TAF2: variants seen among roughly 807,000 people sequenced by gnomAD.
TAF2 encodes the protein transcription initiation factor TFIID subunit 2.
In TAF2, 61 loss-of-function variants were observed where a neutral mutation model predicts 138.5. The observed-to-expected ratio is 0.44, with a 90% CI of 0.36 to 0.54. TAF2 has a LOEUF of 0.54. Ranked by LOEUF, TAF2 falls within the 20% of genes least tolerant of loss-of-function variation. The pLI is 0.00. For synonymous variants in TAF2, 475 were observed against 469.9 expected (o/e 1.01, Z -0.14); for missense variants, 1,090 against 1,427.9 (o/e 0.76, Z 3.81).
chr8:119,738,100 GTA>G (rs1174127286), intron 25 of TAF2, among the ~76,000 whole-genome samples: 1 of 150,718 alleles, frequency 6.6e-6, no homozygotes, highest in Non-Finnish European at 1.5e-5. Context: ...ATATACAGTT[GTA>G]TATATATAGT....
chr8:119,789,980 A>G (rs1470344576), intron 11 of TAF2, among the ~76,000 whole-genome samples: 1 of 152,134 alleles, frequency 6.6e-6, no homozygotes, highest in African/African-American at 2.4e-5. Context: ...GATGTACTGA[A>G]TAATATTAAG....
Position 119,754,281 on chromosome 8 carries a change from A to C in TAF2, c.2878+1725T>G, listed in dbSNP as rs974670611. ...ACTAAGTAATAAAATAAAAGAATTAAAATTTGGTATTTAATTGTGAGCCAG... is the reference window on the plus strand; with the variant it reads ...ACTAAGTAATAAAATAAAAGAATTACAATTTGGTATTTAATTGTGAGCCAG... On this transcript the variant is annotated intron_variant, in intron 22 of 25. Transcript: ENST00000378164. Among the ~76,000 whole-genome samples the C allele has an allele frequency of 5.9e-5, 9 of 152,222 alleles. No homozygotes were observed. The East Asian group carries it at 1.5e-3, about 26-fold the overall frequency.
intron 2 of TAF2, among the ~76,000 whole-genome samples, chr8:119,824,955 C>T (rs1211992834): frequency 6.6e-6 from 1 of 152,162 alleles, no homozygotes; most frequent in Non-Finnish European, 1.5e-5. Flanking sequence ...GGTGTCAGAG[C>T]CCCCACACAG....
intron 25 of TAF2, among the ~76,000 whole-genome samples, 171 bp downstream of exon 25, chr8:119,742,363 T>C (rs1819651365): frequency 6.6e-6 from 1 of 152,224 alleles, no homozygotes; most frequent in African/African-American, 2.4e-5. Context: ...AAGAAGTCTA[T>C]TTTAAAATAG....
At chr8:119,799,133 A>G (rs1419626822) in intron 6 of TAF2, among the ~76,000 whole-genome samples, 1 of 145,704 alleles carries the variant, frequency 6.9e-6, no homozygotes, top group African/African-American at 2.7e-5. Context: ...GGTACTAATC[A>G]AACATTGATT....
intron 14 of TAF2, among the ~76,000 whole-genome samples, chr8:119,787,886 C>T (rs1275731738): frequency 1.3e-5 from 2 of 152,194 alleles, no homozygotes; most frequent in Non-Finnish European, 2.9e-5. Context: ...GGCACATATA[C>T]ACCATAGAAC....
intron 18 of TAF2, among the ~76,000 whole-genome samples, chr8:119,763,368 C>T (rs903655965): frequency 2.6e-5 from 4 of 152,226 alleles, no homozygotes; most frequent in African/African-American, 9.6e-5. Context: ...AGAAAACAAT[C>T]ATGTGACTTT....
Position 119,732,814 on chromosome 8 carries a change from C to T in TAF2, c.3338-628G>A, listed in dbSNP as rs551418515. On this transcript the variant is annotated intron_variant, in intron 25 of 25. Transcript: ENST00000378164. ...GTGAGACTCCATCTTAATAAACAAA[C>T]AAACAAAAAACGACCAACATTGGTC... Among the ~76,000 whole-genome samples, 4 of 151,974 alleles carry T rather than the reference C, an allele frequency of 2.6e-5. No individual in the cohort carries two copies. The South Asian group carries it at 8.3e-4, about 32-fold the overall frequency.
chr8:119,777,104 T>C (rs912214972), intron 18 of TAF2, among the ~76,000 whole-genome samples: 4 of 152,208 alleles, frequency 2.6e-5, no homozygotes, highest in Admixed American at 2.0e-4. Context: ...TTAGGTAGTA[T>C]AAGTAATCTA....
At position 119,754,481 on chromosome 8, in the gene TAF2, A is replaced by G. The variant is rs1385146039; in HGVS notation, c.2878+1525T>C. Among the ~76,000 whole-genome samples the G allele has an allele frequency of 1.6e-4, 24 of 152,236 alleles. No homozygotes were observed. In the East Asian group the frequency reaches 4.6e-3, roughly 29 times the overall value. ...CGGCGGATCACAAGGTCAGGAGTTC[A>G]AGACCAGCCTGGCCAACATGGTGAA... On this transcript the variant is annotated intron_variant, in intron 22 of 25. Coordinates refer to ENST00000378164, the MANE Select transcript of TAF2 (RefSeq NM_003184.4).
rs1819797547 is a variant in TAF2 at position 119,744,283 on chromosome 8, C to A, written c.3214+5G>T. On this transcript the variant is annotated splice_donor_5th_base_variant and intron_variant, in intron 24 of 25. Transcript: ENST00000378164. ...TCCTCAATGATTGCAGAATACTAATCTTACCTGGAGTTGACGGCCTTTCAA... is the reference window on the plus strand; with the variant it reads ...TCCTCAATGATTGCAGAATACTAATATTACCTGGAGTTGACGGCCTTTCAA... 6.2e-7 allele frequency: 1 copy of A among 1,612,732 alleles called. No homozygotes were observed. The highest frequency in any genetic ancestry group is 1.1e-5 in the South Asian group (1 of 91,064).
intron 3 of TAF2, among the ~76,000 whole-genome samples, chr8:119,815,221 G>T (rs1825374055): frequency 6.6e-6 from 1 of 151,818 alleles, no homozygotes; most frequent in Admixed American, 6.5e-5. Flanking sequence ...GGCGGAGGTT[G>T]CAGTGATCAG....
chr8:119,784,184 T>G (rs540981257), intron 15 of TAF2, among the ~76,000 whole-genome samples: 9 of 152,320 alleles, frequency 5.9e-5, no homozygotes, highest in Admixed American at 4.6e-4. Context: ...ACACCACCTG[T>G]AATATTAATT....
chr8:119,794,718 GTTC>G (rs1212472179), intron 9 of TAF2, among the ~76,000 whole-genome samples: 5 of 152,122 alleles, frequency 3.3e-5, no homozygotes, highest in East Asian at 1.9e-4. Context: ...GTGTTACTTT[GTTC>G]TTCTTCTTTA....
intron 18 of TAF2, among the ~76,000 whole-genome samples, chr8:119,773,504 T>C (rs1292417560): frequency 6.6e-6 from 1 of 151,616 alleles, no homozygotes; most frequent in Non-Finnish European, 1.5e-5. Context: ...TCTTTGTACT[T>C]ACATAATTTA....
At chr8:119,827,489 C>T (rs1382584314) in intron 2 of TAF2, among the ~76,000 whole-genome samples, 1 of 152,156 alleles carries the variant, frequency 6.6e-6, no homozygotes, top group Non-Finnish European at 1.5e-5. Context: ...CTGCCCTTCC[C>T]TTCCATACAC....
intron 21 of TAF2, among the ~76,000 whole-genome samples, chr8:119,756,843 A>T (rs1178737130): frequency 1.3e-5 from 2 of 152,194 alleles, no homozygotes; most frequent in African/African-American, 4.8e-5. Context: ...CACTGCTATG[A>T]GTAGAAGACA....
intron 17 of TAF2, among the ~76,000 whole-genome samples, chr8:119,778,368 G>C (rs779557772): frequency 2.6e-5 from 4 of 152,180 alleles, no homozygotes; most frequent in Non-Finnish European, 5.9e-5. Context: ...CACTCTGTAG[G>C]CTATGTGCCT....
intron 4 of TAF2, among the ~76,000 whole-genome samples, chr8:119,805,137 T>C (rs1327343359): frequency 6.6e-6 from 1 of 152,170 alleles, no homozygotes; most frequent in Non-Finnish European, 1.5e-5. Flanking sequence ...GAAGCTAATA[T>C]ACAATATTAC....
Sources: allele counts gnomAD v4.1 joint callset (sites outside exome capture counted in the v4.1 genomes callset), GRCh38; gene constraint gnomAD v4.1.1; transcripts MANE v1.5; gene names NCBI Gene and HGNC (gene_info 2026-07-23, HGNC 2026-07-21).